THSD7A: variants seen among roughly 807,000 people sequenced by gnomAD.
THSD7A encodes the protein thrombospondin type-1 domain-containing protein 7A.
Under a neutral mutation model 231.3 loss-of-function variants are expected in THSD7A, and 96 were observed. The ratio of observed to expected loss-of-function variants is 0.41; its 90% CI spans 0.35 to 0.49. The LOEUF (loss-of-function observed/expected upper bound fraction) is 0.49. THSD7A is among the 20% of genes least tolerant of loss of function. The probability of loss-of-function intolerance (pLI) is 0.05; values close to 1 mark genes in which losing one functional copy is unlikely to be tolerated. For missense variants in THSD7A, 2,290 were observed against 2,070.2 expected (o/e 1.11, Z -2.06); for synonymous variants, 940 against 743.3 (o/e 1.26, Z -4.30).
chr7:11,391,065 C>T (rs540700186), intron 23 of THSD7A, among the ~76,000 whole-genome samples: 20 of 152,232 alleles, frequency 1.3e-4, no homozygotes, highest in South Asian at 4.1e-4. Flanking sequence ...AGTCAGGAGA[C>T]GTGGGGTCGG....
At chr7:11,613,223 G>C (rs1486188820) in intron 2 of THSD7A, among the ~76,000 whole-genome samples, 2 of 152,188 alleles carry the variant, frequency 1.3e-5, no homozygotes, top group Non-Finnish European at 2.9e-5. Context: ...GCAATACCTT[G>C]CTTTTCCTAA....
At chr7:11,518,525 A>G (rs1188155148) in intron 6 of THSD7A, among the ~76,000 whole-genome samples, 1 of 152,118 alleles carries the variant, frequency 6.6e-6, no homozygotes, top group Admixed American at 6.5e-5. Context: ...TACATGTAGT[A>G]AACGAGGTAA....
At chr7:11,609,644 G>A (rs1476072833) in intron 2 of THSD7A, among the ~76,000 whole-genome samples, 1 of 152,158 alleles carries the variant, frequency 6.6e-6, no homozygotes, top group Non-Finnish European at 1.5e-5. Flanking sequence ...GGGTTTAGGT[G>A]AATATTCATT....
intron 1 of THSD7A, among the ~76,000 whole-genome samples, chr7:11,795,554 T>C (rs114980228): frequency 0.013 from 1,939 of 152,182 alleles, 51 homozygotes; most frequent in African/African-American, 0.044. Context: ...CATTATGTTG[T>C]ATTAGTCCCT....
At chr7:11,803,302 C>CT (rs1434582237) in intron 1 of THSD7A, among the ~76,000 whole-genome samples, 1 of 151,996 alleles carries the variant, frequency 6.6e-6, no homozygotes. Flanking sequence ...AAAAGTGAGG[C>CT]TTAGAAAAAT....
rs1270852777 is a variant in THSD7A at position 11,814,904 on chromosome 7, A to C, written c.190+16853T>G. Among the ~76,000 whole-genome samples the C allele has an allele frequency of 6.6e-6, 1 of 152,044 alleles. No homozygotes were observed. Among genetic ancestry groups the C allele is most frequent in the Non-Finnish European group, 1.5e-5 (1 of 68,008 alleles). ...TTTCTGTGATTATCTGTGCCAGCTC[A>C]TGAGCAGCAGATGCCTTAATCCTGA... On this transcript the variant is annotated intron_variant, in intron 1 of 27. Transcript: ENST00000423059. This position sits in a 1 kb window ranked among gnomAD's most constrained non-coding sequence, Gnocchi z 5.1.
Position 11,717,213 on chromosome 7 carries a change from T to A in THSD7A, c.191-80252A>T, listed in dbSNP as rs1781170434. Among the ~76,000 whole-genome samples, 7 of 151,836 alleles carry A rather than the reference T, an allele frequency of 4.6e-5. 1 individual carries two copies. The South Asian group carries it at 1.5e-3, about 31-fold the overall frequency. On this transcript the variant is annotated intron_variant, in intron 1 of 27. Coordinates refer to ENST00000423059, the MANE Select transcript of THSD7A (RefSeq NM_015204.3). ...GCTATGAAAGCAATAAAGGTGATAG[T>A]CTCAGGCAGAGGTGGGTGTGTGAAA...
intron 2 of THSD7A, among the ~76,000 whole-genome samples, chr7:11,605,485 T>G (rs188142979): frequency 6.6e-6 from 1 of 152,264 alleles, no homozygotes; most frequent in African/African-American, 2.4e-5. Flanking sequence ...CCATCAGCAC[T>G]AACTGGGACC....
chr7:11,422,097 C>A (rs1784164362), intron 16 of THSD7A, among the ~76,000 whole-genome samples: 1 of 152,002 alleles, frequency 6.6e-6, no homozygotes, highest in African/African-American at 2.4e-5. Flanking sequence ...AGGGTTGAGT[C>A]AGAAGCCCAT....
chr7:11,705,293 A>G (rs1780728485), intron 1 of THSD7A, among the ~76,000 whole-genome samples: 1 of 151,096 alleles, frequency 6.6e-6, no homozygotes, highest in African/African-American at 2.4e-5. Context: ...CTTAAAAGCA[A>G]GAGTAAGTTA....
chr7:11,494,916 T>C (rs529415099), intron 6 of THSD7A, among the ~76,000 whole-genome samples: 1 of 152,110 alleles, frequency 6.6e-6, no homozygotes, highest in Non-Finnish European at 1.5e-5. Flanking sequence ...TAAAATATAT[T>C]AATTCTATGT....
At chr7:11,611,635 T>C (rs1376649036) in intron 2 of THSD7A, among the ~76,000 whole-genome samples, 1 of 151,858 alleles carries the variant, frequency 6.6e-6, no homozygotes, top group East Asian at 1.9e-4. Flanking sequence ...ACTCATGCAT[T>C]CATATTTTAA....
rs190226190 is a variant in THSD7A, at chr7:11,504,174, C to T, written c.1823-22192G>A. On this transcript the variant is annotated intron_variant, in intron 6 of 27. Transcript: ENST00000423059. ...GTCTCTTGTGGGAACACGGATGGAG[C>T]TGGAGGATATCATCCTCAGAAAGCT... Among the ~76,000 whole-genome samples, 15 of 152,212 alleles carry T rather than the reference C, an allele frequency of 9.9e-5. No homozygotes were observed. The East Asian group carries it at 2.9e-3, about 29-fold the overall frequency.
chr7:11,578,069 A>G (rs1291304267), intron 4 of THSD7A, among the ~76,000 whole-genome samples: 1 of 152,212 alleles, frequency 6.6e-6, no homozygotes, highest in Admixed American at 6.5e-5. Flanking sequence ...TTTAACACAT[A>G]CTGTAAAGAG....
intron 6 of THSD7A, among the ~76,000 whole-genome samples, chr7:11,528,376 A>G (rs1788564852): frequency 6.6e-6 from 1 of 152,160 alleles, no homozygotes; most frequent in African/African-American, 2.4e-5. Flanking sequence ...ACTGGGTCAC[A>G]TGTTCATCCT....
At chr7:11,716,920 CCT>C (rs1781156679) in intron 1 of THSD7A, among the ~76,000 whole-genome samples, 1 of 151,398 alleles carries the variant, frequency 6.6e-6, no homozygotes, top group Non-Finnish European at 1.5e-5. Flanking sequence ...ACAAAAATAC[CCT>C]GAGTGGTAAC....
chr7:11,688,059 C>T (rs561342364), intron 1 of THSD7A, among the ~76,000 whole-genome samples: 1 of 136,282 alleles, frequency 7.3e-6, no homozygotes, highest in East Asian at 2.5e-4. Flanking sequence ...ATCCCTCCCC[C>T]CTCCCCCACC....
intron 9 of THSD7A, among the ~76,000 whole-genome samples, chr7:11,466,652 G>C (rs1358622451): frequency 2.0e-5 from 3 of 151,968 alleles, no homozygotes; most frequent in Non-Finnish European, 4.4e-5. Flanking sequence ...GAAACAACAT[G>C]AGCTGCCAAA....
chr7:11,478,570 T>A (rs146148947), intron 7 of THSD7A, among the ~76,000 whole-genome samples: 16 of 151,280 alleles, frequency 1.1e-4, no homozygotes, highest in African/African-American at 3.6e-4. Flanking sequence ...AAAAAGAGCC[T>A]AGCAATAAAA....
Sources: gnomAD v4.1 joint callset for allele counts (sites outside exome capture counted in the v4.1 genomes callset) on GRCh38, gnomAD v4.1.1 for gene constraint, Gnocchi (gnomAD v3.1) non-coding constraint, MANE v1.5 for transcripts, NCBI Gene and HGNC (gene_info 2026-07-23, HGNC 2026-07-21) for gene names.